Variants in SDK2 observed in about 807,000 individuals in gnomAD.
SDK2 encodes the protein sidekick cell adhesion molecule 2, also known as protein sidekick-2.
SDK2 carries 105 observed loss-of-function variants against 253.9 expected under a neutral mutation model. The observed-to-expected ratio is 0.41, with a 90% CI of 0.35 to 0.49. The LOEUF (loss-of-function observed/expected upper bound fraction) is 0.49. Among genes scored for constraint, SDK2 ranks in the 20% least tolerant of loss-of-function variants. The probability of loss-of-function intolerance (pLI) is 0.06; values close to 1 mark genes in which losing one functional copy is unlikely to be tolerated. For missense variants in SDK2, 2,608 were observed against 3,003.0 expected, an observed-to-expected ratio of 0.87 and a Z score of 3.07; for synonymous variants, 1,249 against 1,234.9, an observed-to-expected ratio of 1.01 and a Z score of -0.24.
intron 4 of SDK2, among the ~76,000 whole-genome samples, chr17:73,449,675 T>C (rs1403121569): frequency 6.7e-6 from 1 of 150,096 alleles, no homozygotes; most frequent in East Asian, 2.0e-4. Context: ...AATCCCAGCA[T>C]TTTGGGAGGC....
In SDK2 at chr17:73,338,675, G is replaced by GA; in HGVS notation, c.6430_6431insT (p.Pro2144LeufsTer103). The GA allele has an allele frequency of 6.3e-7, 1 of 1,587,402 alleles. No individual in the cohort carries two copies. The highest frequency in any genetic ancestry group is 8.6e-7 in the Non-Finnish European group (1 of 1,166,892). ...ACGGTAGAGGGTGCTCTGCTGACTT[G>GA]GGGGGTTAGGGGGGTTCTGGGGCGT... is the stretch of plus-strand genomic sequence containing the variant. On this transcript the variant is annotated frameshift_variant, in exon 45 of 45. Coordinates refer to ENST00000392650, the MANE Select transcript of SDK2 (RefSeq NM_001144952.2). LOFTEE classifies it high-confidence loss of function. This position sits in a 1 kb window ranked among gnomAD's most constrained non-coding sequence, Gnocchi z 5.0.
At position 73,385,835 on chromosome 17, in the gene SDK2, G is replaced by A. The variant is rs765046855; in HGVS notation, c.4569+12C>T. 31 of 1,598,530 alleles carry A rather than the reference G, an allele frequency of 1.9e-5. No homozygotes were observed. Among genetic ancestry groups the A allele is most frequent in the Middle Eastern group, 1.6e-4 (1 of 6,066 alleles). ...GGGTCTTCACGGAGGTTTCCTGCCCGCTGGGCCATACCTGCCATCGGATTA... is the reference window on the plus strand; with the variant it reads ...GGGTCTTCACGGAGGTTTCCTGCCCACTGGGCCATACCTGCCATCGGATTA... On this transcript the variant is annotated intron_variant, in intron 32 of 44. Transcript: ENST00000392650.
intron 1 of SDK2, among the ~76,000 whole-genome samples, chr17:73,626,994 G>A (rs1427560458): frequency 6.6e-6 from 1 of 152,170 alleles, no homozygotes; most frequent in Non-Finnish European, 1.5e-5. Flanking sequence ...AGCCGGGGGG[G>A]TGTAAAATCC....
chr17:73,405,388 C>T, intron 18 of SDK2, among the ~76,000 whole-genome samples: 1 of 110,116 alleles, frequency 9.1e-6, no homozygotes, highest in Non-Finnish European at 1.8e-5. Flanking sequence ...TGCAGCGAGC[C>T]AAGATTGCGA....
In SDK2 at chr17:73,496,504, G is replaced by A. The variant is rs559486964; in HGVS notation, c.224+10934C>T. Reference sequence around the variant, plus strand: ...AGCAGAGACCACGGGTGCACGATGCGTTCTGCCCATTAGCGAAGGGAGTTA... The same window carrying A: ...AGCAGAGACCACGGGTGCACGATGCATTCTGCCCATTAGCGAAGGGAGTTA... On this transcript the variant is annotated intron_variant, in intron 2 of 44. Coordinates refer to ENST00000392650, the MANE Select transcript of SDK2 (RefSeq NM_001144952.2). The surrounding 1 kb of genome is among the most constrained non-coding windows in gnomAD (Gnocchi z 4.7). Among the ~76,000 whole-genome samples the A allele has an allele frequency of 7.9e-5, 12 of 152,290 alleles. No homozygotes were observed. The highest frequency in any genetic ancestry group is 2.6e-4 in the African/African-American group (11 of 41,558).
intron 1 of SDK2, among the ~76,000 whole-genome samples, chr17:73,611,871 T>G (rs550049949): frequency 6.6e-6 from 1 of 152,068 alleles, no homozygotes; most frequent in Admixed American, 6.5e-5. Context: ...CAGGGTCAGA[T>G]GAAAGTATCT....
rs1320833906 is a variant in SDK2, at chr17:73,368,533, C to A, written c.5041G>T (p.Ala1681Ser). 1 of 1,609,288 alleles carries A rather than the reference C, an allele frequency of 6.2e-7. No individual in the cohort carries two copies. The highest frequency in any genetic ancestry group is 1.7e-5 in the Admixed American group (1 of 59,460). The change falls in exon 37 of 45, where the codon GCT becomes TCT. Residue 1681 changes from alanine to serine, a missense_variant. Ala to Ser is a moderately conservative substitution (Grantham distance 99, BLOSUM62 1). Transcript: ENST00000392650. ...LTERVKTLFL[A>S]ENSVKLKNLT... ...TTCTTGAGCTTCACGCTGTTCTCAG[C>A]CAGGAAAAGCGTCTTCACTCGCTCT... is the stretch of plus-strand genomic sequence containing the variant.
At position 73,338,697 on chromosome 17, in the gene SDK2, G is replaced by T. The variant is rs752334571; in HGVS notation, c.6409C>A (p.Pro2137Thr). The T allele has an allele frequency of 6.2e-7, 1 of 1,607,642 alleles. No homozygotes were observed. The highest frequency in any genetic ancestry group is 1.1e-5 in the South Asian group (1 of 90,500). Residue 2137 changes from proline (P) to threonine (T), a missense_variant, in exon 45 of 45, where the codon CCC becomes ACC. Physicochemically the swap from Pro to Thr is conservative, Grantham distance 38 (BLOSUM62 -1). Transcript: ENST00000392650. This position sits in a 1 kb window ranked among gnomAD's most constrained non-coding sequence, Gnocchi z 5.0. ...FRPKASRTPT[P>T]QNPPNPPSQQ... The stretch of plus-strand genomic sequence containing the variant: ...CTTGGGGGGTTAGGGGGGTTCTGGG[G>T]CGTTGGAGTCCGACTGGCCTTGGGC...
chr17:73,444,049 T>G (rs2063434588), intron 5 of SDK2, among the ~76,000 whole-genome samples: 1 of 152,136 alleles, frequency 6.6e-6, no homozygotes, highest in Non-Finnish European at 1.5e-5. Flanking sequence ...GCAGCTAAGC[T>G]GGTCTGGGGT....
intron 6 of SDK2, among the ~76,000 whole-genome samples, chr17:73,439,123 TG>T (rs2063394845): frequency 6.6e-6 from 1 of 152,094 alleles, no homozygotes; most frequent in Admixed American, 6.5e-5. Context: ...GAGGGCTGGT[TG>T]TTTAAAGGAG....
At chr17:73,367,706 G>A (rs754258426) in intron 37 of SDK2, among the ~76,000 whole-genome samples, 3 of 152,090 alleles carry the variant, frequency 2.0e-5, no homozygotes, top group African/African-American at 4.8e-5. Context: ...GTGTCACCAT[G>A]TTGGCCAGGC....
At chr17:73,366,200 T>G (rs1385598302) in intron 37 of SDK2, among the ~76,000 whole-genome samples, 1 of 151,870 alleles carries the variant, frequency 6.6e-6, no homozygotes, top group Non-Finnish European at 1.5e-5. Context: ...AGGAGGGAGG[T>G]GAGCTCAGGG....
At chr17:73,378,371 G>C (rs532865885) in intron 36 of SDK2, among the ~76,000 whole-genome samples, 2 of 150,728 alleles carry the variant, frequency 1.3e-5, no homozygotes, top group African/African-American at 4.8e-5. Flanking sequence ...TAAAGTGCGG[G>C]AATTACAGGT....
intron 4 of SDK2, among the ~76,000 whole-genome samples, chr17:73,452,222 C>A (rs1673047593): frequency 1.3e-5 from 2 of 152,200 alleles, no homozygotes; most frequent in South Asian, 2.1e-4. Flanking sequence ...AATCTCTGCT[C>A]TTGCCCCACC....
At chr17:73,552,518 G>A (rs1270045254) in intron 1 of SDK2, among the ~76,000 whole-genome samples, 1 of 152,216 alleles carries the variant, frequency 6.6e-6, no homozygotes, top group Non-Finnish European at 1.5e-5. Context: ...CGAGCGGTCA[G>A]TGGTCGAGGC....
intron 37 of SDK2, among the ~76,000 whole-genome samples, chr17:73,367,581 C>T (rs1220068445): frequency 6.6e-6 from 1 of 151,996 alleles, no homozygotes; most frequent in African/African-American, 2.4e-5. Context: ...CGGCTCACTG[C>T]AACCTCCACC....
intron 1 of SDK2, among the ~76,000 whole-genome samples, chr17:73,580,192 C>A (rs1490775378): frequency 6.6e-6 from 1 of 152,198 alleles, no homozygotes; most frequent in Non-Finnish European, 1.5e-5. Context: ...GCCTTCCCTG[C>A]CCCCTCACCT....
intron 39 of SDK2, among the ~76,000 whole-genome samples, chr17:73,359,388 C>G (rs1022496193): frequency 1.3e-5 from 2 of 152,180 alleles, no homozygotes; most frequent in Non-Finnish European, 2.9e-5. Context: ...TTCCTTCCTT[C>G]CCTATGGAGC....
intron 2 of SDK2, among the ~76,000 whole-genome samples, chr17:73,501,794 T>C (rs2063893121): frequency 6.6e-6 from 1 of 152,160 alleles, no homozygotes; most frequent in East Asian, 1.9e-4. Flanking sequence ...TGTCACATCT[T>C]TTGCACCAGG....
Sources: gnomAD v4.1 joint callset for allele counts (sites outside exome capture counted in the v4.1 genomes callset) on GRCh38, gnomAD v4.1.1 for gene constraint, Gnocchi (gnomAD v3.1) non-coding constraint, MANE v1.5 for transcripts, NCBI Gene and HGNC (gene_info 2026-07-23, HGNC 2026-07-21) for gene names.